B9D1: variants seen among roughly 807,000 people sequenced by gnomAD.
B9D1 encodes B9 domain containing 1.
A neutral mutation model predicts 26.1 loss-of-function variants in B9D1; 20 were observed. The observed-to-expected ratio is 0.77, with a 90% CI of 0.54 to 1.12. The LOEUF is 1.12. Ranked by LOEUF, B9D1 falls within the 50% of genes most tolerant of loss-of-function variation. The pLI is 0.00. For synonymous variants in B9D1, 105 were observed against 103.1 expected (o/e 1.02, Z -0.11); for missense variants, 260 against 273.7 (o/e 0.95, Z 0.35).
At chr17:19,363,132 G>C (rs1334607242), upstream of B9D1, 3 of 163,694 alleles carry the variant, frequency 1.8e-5, no homozygotes, top group Admixed American at 1.2e-4. Flanking sequence ...CGGGTGCTCG[G>C]AGGAGCCTCC....
downstream of B9D1, chr17:19,336,085 T>TG (rs1907420482): frequency 6.6e-6 from 1 of 152,074 alleles, no homozygotes; most frequent in Non-Finnish European, 1.5e-5. Flanking sequence ...AGGCTCTGAG[T>TG]GGGGACTGCA....
rs531218326 is a variant in B9D1 at position 19,360,515 on chromosome 17, G to A, written c.64-127C>T. The A allele has an allele frequency of 1.0e-4, 84 of 817,034 alleles. No homozygotes were observed. In the African/African-American group the frequency reaches 1.3e-3, roughly 13 times the overall value. The allele number at this position is 817,034 out of a possible 1,614,324, so 50.6% of individuals were successfully genotyped here. ...TGGGAGTGGGTCTAAGAGACGGCTGGAGATGTGTTCAGAGGAGAGGCTGAG... is the reference window on the plus strand; with the variant it reads ...TGGGAGTGGGTCTAAGAGACGGCTGAAGATGTGTTCAGAGGAGAGGCTGAG... On this transcript the variant is annotated intron_variant, in intron 1 of 6. Transcript: ENST00000261499.
At position 19,347,870 on chromosome 17, in the gene B9D1, G is replaced by C; in HGVS notation, c.255C>G (p.Ile85Met). The C allele has an allele frequency of 6.2e-7, 1 of 1,614,048 alleles. No individual in the cohort carries two copies. Among genetic ancestry groups the C allele is most frequent in the Non-Finnish European group, 8.5e-7 (1 of 1,179,994 alleles). Residue 85 changes from isoleucine (I) to methionine (M), a missense_variant, in exon 4 of 7, where the codon ATC becomes ATG. Physicochemically the swap from Ile to Met is conservative, Grantham distance 10. Transcript: ENST00000261499. This position sits in a 1 kb window ranked among gnomAD's most constrained non-coding sequence, Gnocchi z 4.3. ...KSTNPYGWPQ[I>M]VLSVYGPDVF... ...CATCTGGTCCATACACGCTGAGCAC[G>C]ATCTGTGGCCCTTGGGAAGGACAAG...
downstream of B9D1, chr17:19,343,156 G>C (rs1567880634): frequency 2.1e-6 from 3 of 1,445,118 alleles, no homozygotes; most frequent in South Asian, 2.9e-5. Flanking sequence ...CAGGAGAGAA[G>C]GCAGCCCCAG....
intron 3 of B9D1, among the ~76,000 whole-genome samples, chr17:19,353,227 G>A (rs1208041724): frequency 1.3e-5 from 2 of 151,842 alleles, no homozygotes; most frequent in Admixed American, 6.6e-5. Context: ...ACCCGCCTCA[G>A]CCTCCCAAAA....
At chr17:19,335,286 G>A, downstream of B9D1, 1 of 1,028,644 alleles carries the variant, frequency 9.7e-7, no homozygotes, top group Non-Finnish European at 1.4e-6. Context: ...TTTTTGGCTA[G>A]ATCCTGAGAG....
chr17:19,335,929 T>C (rs1907404591), downstream of B9D1: 2 of 152,944 alleles, frequency 1.3e-5, no homozygotes, highest in African/African-American at 4.8e-5. Context: ...GGTGGATGTT[T>C]CTGGCCCTTT....
chr17:19,374,152 T>C (rs1238496088), intron 1 of B9D1, among the ~76,000 whole-genome samples: 1 of 152,238 alleles, frequency 6.6e-6, no homozygotes, highest in Non-Finnish European at 1.5e-5. Flanking sequence ...TTTGTTTTCC[T>C]GCTTTTAATA....
At chr17:19,339,941 C>T (rs1485674474), downstream of B9D1, among the ~76,000 whole-genome samples, 2 of 151,052 alleles carry the variant, frequency 1.3e-5, no homozygotes, top group African/African-American at 2.4e-5. Flanking sequence ...CAACATGCAG[C>T]TTTGTGACAC....
chr17:19,343,921 AC>A, intron 5 of B9D1, 64 bp from the exon 6 acceptor site: 1 of 1,609,040 alleles, frequency 6.2e-7, no homozygotes, highest in Non-Finnish European at 8.5e-7. Flanking sequence ...CTTGGACGAC[AC>A]TGGATGTGGG....
rs997262238 is a variant in B9D1 at position 19,343,323 on chromosome 17, T to C, written c.611A>G (p.Gln204Arg). The C allele has an allele frequency of 6.2e-7, 1 of 1,614,118 alleles. No individual in the cohort carries two copies. The highest frequency in any genetic ancestry group is 8.5e-7 in the Non-Finnish European group (1 of 1,179,996). Residue 204 changes from glutamine to arginine, a missense_variant, in exon 7 of 7, where the codon CAG becomes CGG. Transcript: ENST00000261499. ...ACTGTGCAGCCTGTGGAGCCTTCAC[T>C]GGGGGAAGCTCTGGGGTGGGCTGGG... ...LGPSPPQSFP[Q>R] is the part of the protein sequence containing the mutation.
At chr17:19,339,901 TG>T (rs1156493198), downstream of B9D1, among the ~76,000 whole-genome samples, 1 of 152,124 alleles carries the variant, frequency 6.6e-6, no homozygotes, top group Non-Finnish European at 1.5e-5. Context: ...AGTCTTCTGG[TG>T]TGCCAGGAGA....
intron 5 of B9D1, among the ~76,000 whole-genome samples, chr17:19,345,515 C>T (rs914309643): frequency 1.1e-4 from 16 of 152,100 alleles, no homozygotes; most frequent in African/African-American, 2.4e-4. Context: ...GATCTTGAGG[C>T]GACTATCCAG....
At chr17:19,354,317 C>A (rs1910044922) in intron 3 of B9D1, among the ~76,000 whole-genome samples, 1 of 152,210 alleles carries the variant, frequency 6.6e-6, no homozygotes, top group Non-Finnish European at 1.5e-5. Context: ...CTCCCCATGC[C>A]TCAGTCAACT....
chr17:19,335,425 C>A (rs1452690139), downstream of B9D1: 2 of 1,550,092 alleles, frequency 1.3e-6, no homozygotes, highest in Non-Finnish European at 1.7e-6. Context: ...ATTAACAGGA[C>A]TTCTGTTTAC....
In B9D1 at chr17:19,372,444, G is replaced by C. The variant is rs919777814; in HGVS notation, c.-298+5415C>G. On this transcript the variant is annotated intron_variant, in intron 1 of 5. Transcript: ENST00000477478. The surrounding 1 kb of genome is among the most constrained non-coding windows in gnomAD (Gnocchi z 4.4). ...CCCTCTGGCCTTCTCGTGGCCCTGAGATGTGCCACACTCTCACCCGCATCA... is the reference window on the plus strand; with the variant it reads ...CCCTCTGGCCTTCTCGTGGCCCTGACATGTGCCACACTCTCACCCGCATCA... Among the ~76,000 whole-genome samples the C allele has an allele frequency of 3.3e-5, 5 of 152,164 alleles. No individual in the cohort carries two copies. The highest frequency in any genetic ancestry group is 7.3e-5 in the Non-Finnish European group (5 of 68,034).
In B9D1 at chr17:19,347,666, G is replaced by T; in HGVS notation, c.341+118C>A. ...ACAACCCCCCTGGCCACCAGGCTGA[G>T]CTGCCCAGGCCCCTGGAGACCCCAG... On this transcript the variant is annotated intron_variant, in intron 4 of 6. Coordinates refer to ENST00000261499, the MANE Select transcript of B9D1 (RefSeq NM_015681.6). The surrounding 1 kb of genome is among the most constrained non-coding windows in gnomAD (Gnocchi z 4.3). The T allele has an allele frequency of 9.7e-7, 1 of 1,026,028 alleles. No individual in the cohort carries two copies. The highest frequency in any genetic ancestry group is 1.5e-6 in the Non-Finnish European group (1 of 675,358). The allele number at this position is 1,026,028 out of a possible 1,614,324, so 63.6% of individuals were successfully genotyped here.
At chr17:19,340,209 C>T (rs928283109), downstream of B9D1, among the ~76,000 whole-genome samples, 4 of 152,082 alleles carry the variant, frequency 2.6e-5, no homozygotes, top group Non-Finnish European at 5.9e-5. Flanking sequence ...CTCCCTCTGT[C>T]GCCCCGGCTG....
intron 1 of B9D1, among the ~76,000 whole-genome samples, chr17:19,374,709 G>C (rs1912030847): frequency 6.6e-6 from 1 of 152,156 alleles, no homozygotes; most frequent in Non-Finnish European, 1.5e-5. Flanking sequence ...CTGTAAAAAT[G>C]AGTGCTTTTT....
Sources: gnomAD v4.1 joint callset for allele counts (sites outside exome capture counted in the v4.1 genomes callset) on GRCh38, gnomAD v4.1.1 for gene constraint, Gnocchi (gnomAD v3.1) non-coding constraint, MANE v1.5 for transcripts, NCBI Gene and HGNC (gene_info 2026-07-23, HGNC 2026-07-21) for gene names.